Variants in TFDP2 observed in about 807,000 individuals in gnomAD.
TFDP2 encodes transcription factor Dp-2 (E2F dimerization partner 2).
A neutral mutation model predicts 59.3 loss-of-function variants in TFDP2; 17 were observed. The observed-to-expected ratio is 0.29, with a 90% CI of 0.20 to 0.43. TFDP2 has a LOEUF of 0.43. Among genes scored for constraint, TFDP2 ranks in the 20% least tolerant of loss-of-function variants. The pLI, the probability that TFDP2 is intolerant of heterozygous loss-of-function variation, is 1.00. For synonymous variants in TFDP2, 180 were observed against 194.7 expected (o/e 0.92, Z 0.63); for missense variants, 391 against 528.8 (o/e 0.74, Z 2.56).
intron 3 of TFDP2, among the ~76,000 whole-genome samples, chr3:142,062,496 T>C (rs1309860124): frequency 6.6e-6 from 1 of 151,584 alleles, no homozygotes; most frequent in Non-Finnish European, 1.5e-5. Flanking sequence ...CCCTGACTAA[T>C]GCACATTAGG....
chr3:141,978,514 A>G lies in TFDP2; in HGVS notation c.519+6T>C. 6.2e-7 allele frequency: 1 copy of G among 1,604,684 alleles called. No homozygotes were observed. The highest frequency in any genetic ancestry group is 8.5e-7 in the Non-Finnish European group (1 of 1,177,368). ...AAAATCAATGTCAGGTTCATGATTT[A>G]CATACCGAATCAGCAGCCAAATGGT... On this transcript the variant is annotated splice_donor_region_variant and intron_variant, in intron 7 of 12. Transcript: ENST00000489671.
At chr3:142,077,981 C>T (rs1034441576) in intron 3 of TFDP2, among the ~76,000 whole-genome samples, 1 of 152,092 alleles carries the variant, frequency 6.6e-6, no homozygotes, top group Admixed American at 6.6e-5. Flanking sequence ...GGCCTGGCAG[C>T]ATTCACCACA....
At chr3:141,994,712 T>C (rs936438769) in intron 5 of TFDP2, 1 of 181,052 alleles carries the variant, frequency 5.5e-6, no homozygotes, top group East Asian at 1.4e-4. Flanking sequence ...GTTAAAAATA[T>C]ATAAAAATAT....
rs143295907 is a variant in TFDP2, at chr3:141,983,473, C to T, written c.357-4791G>A. On this transcript the variant is annotated intron_variant, in intron 6 of 12. Coordinates refer to ENST00000489671, the MANE Select transcript of TFDP2 (RefSeq NM_001178139.2). ...CCAACATGGTGAAACTCCATCTCCA[C>T]AAAAAAATACAAAAATTAGCTGGAC... Among the ~76,000 whole-genome samples the T allele has an allele frequency of 4.9e-3, 743 of 151,834 alleles. 6 individuals carry two copies. Among genetic ancestry groups the T allele is most frequent in the African/African-American group, 0.017 (709 of 41,412 alleles).
At chr3:142,069,984 C>A (rs143613930) in intron 3 of TFDP2, among the ~76,000 whole-genome samples, 1 of 151,902 alleles carries the variant, frequency 6.6e-6, no homozygotes, top group African/African-American at 2.4e-5. Flanking sequence ...CGGCTCACTG[C>A]AACCTCCGTT....
intron 6 of TFDP2, among the ~76,000 whole-genome samples, chr3:141,984,165 A>C (rs1292171526): frequency 6.6e-6 from 1 of 152,254 alleles, no homozygotes; most frequent in Admixed American, 6.5e-5. Flanking sequence ...ACTACACTAC[A>C]GATGAACTGT....
At chr3:141,970,273 A>C in intron 8 of TFDP2, 132 bp from the exon 9 acceptor site, 1 of 761,916 alleles carries the variant, frequency 1.3e-6, no homozygotes, top group Non-Finnish European at 2.2e-6. Flanking sequence ...ATGAATAAAG[A>C]CAAATCATAT....
chr3:142,004,831 A>G (rs1262179080), intron 4 of TFDP2, among the ~76,000 whole-genome samples: 1 of 152,232 alleles, frequency 6.6e-6, no homozygotes, highest in Non-Finnish European at 1.5e-5. Context: ...GACATAAAGC[A>G]TAACACATTT....
chr3:142,025,742 A>C (rs1171757567), intron 3 of TFDP2, among the ~76,000 whole-genome samples: 1 of 152,222 alleles, frequency 6.6e-6, no homozygotes, highest in Non-Finnish European at 1.5e-5. Flanking sequence ...GCTATTCCTT[A>C]AGATAAGCAA....
At chr3:142,021,518 T>C (rs1315262130) in intron 3 of TFDP2, among the ~76,000 whole-genome samples, 2 of 152,180 alleles carry the variant, frequency 1.3e-5, no homozygotes, top group Non-Finnish European at 2.9e-5. Context: ...GAATAAATCT[T>C]ATATGTCAGT....
chr3:142,032,832 G>A (rs1432339226), intron 3 of TFDP2, among the ~76,000 whole-genome samples: 1 of 152,096 alleles, frequency 6.6e-6, no homozygotes, highest in Non-Finnish European at 1.5e-5. Flanking sequence ...AACTTCTGAT[G>A]TCTAGAGCTA....
chr3:142,073,571 G>C (rs1342746200), intron 3 of TFDP2, among the ~76,000 whole-genome samples: 1 of 149,738 alleles, frequency 6.7e-6, no homozygotes, highest in Admixed American at 6.8e-5. Flanking sequence ...AATGAGAGGT[G>C]ACAATGGCAC....
rs200801524 is a variant in TFDP2 at position 141,947,806 on chromosome 3, G to A, written c.*4707C>T. ...TGCATGTTATGGGACAGAGTGGCTT[G>A]TTAAGAAAGTATAGAGACATCTGTC... On this transcript the variant is annotated 3_prime_UTR_variant, in exon 13 of 13. Transcript: ENST00000489671. The A allele has an allele frequency of 6.6e-6, 1 of 151,084 alleles. No individual in the cohort carries two copies. The highest frequency in any genetic ancestry group is 2.0e-4 in the East Asian group (1 of 5,118). 9.4% of individuals were successfully genotyped at this position (151,084 alleles called of 1,614,324 possible). A position where few individuals can be genotyped will look rare whatever the true frequency, so the allele number is the denominator to read the frequency against.
chr3:142,082,123 G>A (rs545398903), intron 3 of TFDP2, among the ~76,000 whole-genome samples: 1 of 152,178 alleles, frequency 6.6e-6, no homozygotes, highest in South Asian at 2.1e-4. Flanking sequence ...GATTAGCCAC[G>A]ACATTAGAGT....
rs145157386 is a variant in TFDP2, at chr3:142,034,766, A to T, written c.83-29222T>A. On this transcript the variant is annotated intron_variant, in intron 3 of 12. Transcript: ENST00000489671. ...AGTCTTGCTCTGTCACCCAGGCTGG[A>T]GTGCAGTGGCGCAATCTCGGCTCAC... 1.3e-3 allele frequency among the ~76,000 whole-genome samples: 187 copies of T among 143,506 alleles called. 1 individual carries two copies. Among genetic ancestry groups the T allele is most frequent in the African/African-American group, 4.6e-3 (176 of 38,152 alleles). 94.1% of individuals were successfully genotyped at this position (143,506 alleles called of 152,430 possible).
intron 3 of TFDP2, among the ~76,000 whole-genome samples, chr3:142,078,481 G>A (rs184539847): frequency 2.6e-4 from 40 of 152,330 alleles, no homozygotes; most frequent in Non-Finnish European, 4.6e-4. Flanking sequence ...GATAATCAGA[G>A]TTTCTGCCTG....
chr3:142,013,564 G>A (rs1944890438), intron 3 of TFDP2, among the ~76,000 whole-genome samples: 2 of 152,160 alleles, frequency 1.3e-5, no homozygotes, highest in African/African-American at 4.8e-5. Context: ...TAAAAACAAC[G>A]ATTTTTAATG....
At chr3:141,969,942 G>T in intron 9 of TFDP2, 131 bp downstream of exon 9, 1 of 827,718 alleles carries the variant, frequency 1.2e-6, no homozygotes, top group South Asian at 1.5e-5. Flanking sequence ...AAGCTAGGAG[G>T]TGAGAGAGGC....
intron 1 of TFDP2, among the ~76,000 whole-genome samples, chr3:142,108,175 A>T (rs1250425125): frequency 1.3e-5 from 2 of 151,876 alleles, no homozygotes; most frequent in Non-Finnish European, 2.9e-5. Context: ...CAGACAGCCA[A>T]GACCACATGG....
Sources: allele counts gnomAD v4.1 joint callset (sites outside exome capture counted in the v4.1 genomes callset), GRCh38; gene constraint gnomAD v4.1.1; transcripts MANE v1.5; gene names NCBI Gene and HGNC (gene_info 2026-07-23, HGNC 2026-07-21).